LAMA1: variants seen among roughly 807,000 people sequenced by gnomAD.
LAMA1 encodes the protein laminin subunit alpha 1.
In LAMA1, 219 loss-of-function variants were observed where a neutral mutation model predicts 348.7. The observed-to-expected ratio is 0.63, with a 90% CI of 0.56 to 0.70. The LOEUF (loss-of-function observed/expected upper bound fraction) is 0.70, where lower values mean the gene tolerates loss of function less well. Among genes scored for constraint, LAMA1 ranks in the 30% least tolerant of loss-of-function variants. The probability of loss-of-function intolerance (pLI) is 0.00; values close to 1 mark genes in which losing one functional copy is unlikely to be tolerated. For missense variants in LAMA1, 3,744 were observed against 3,888.0 expected, an observed-to-expected ratio of 0.96 and a Z score of 0.99; for synonymous variants, 1,487 against 1,491.0, an observed-to-expected ratio of 1.00 and a Z score of 0.06.
chr18:6,951,556 T>G (rs1485680405), intron 57 of LAMA1, among the ~76,000 whole-genome samples: 1 of 152,158 alleles, frequency 6.6e-6, no homozygotes, highest in Non-Finnish European at 1.5e-5. Flanking sequence ...TGAGGGTGTT[T>G]GGATTTTCGG....
At chr18:7,024,063 C>T (rs1234885571) in intron 18 of LAMA1, among the ~76,000 whole-genome samples, 1 of 151,770 alleles carries the variant, frequency 6.6e-6, no homozygotes, top group African/African-American at 2.4e-5. Flanking sequence ...AGGCTGGTCT[C>T]GAACTCCTAA....
chr18:7,070,662 C>A (rs776854712), intron 3 of LAMA1, among the ~76,000 whole-genome samples: 1 of 152,094 alleles, frequency 6.6e-6, no homozygotes, highest in Non-Finnish European at 1.5e-5. Flanking sequence ...ATTATGTTCC[C>A]ACAACAAAGT....
intron 49 of LAMA1, 77 bp from the exon 50 acceptor site, chr18:6,965,509 T>C: frequency 1.3e-6 from 2 of 1,519,054 alleles, no homozygotes; most frequent in South Asian, 2.2e-5. Flanking sequence ...CAGGGATGGC[T>C]GAAACCTTCT....
intron 25 of LAMA1, among the ~76,000 whole-genome samples, chr18:7,010,915 T>C (rs1359466992): frequency 6.6e-6 from 1 of 152,178 alleles, no homozygotes; most frequent in Non-Finnish European, 1.5e-5. Context: ...CACGTAATGA[T>C]ATTTCAGTCA....
At chr18:6,960,687 A>AG (rs1477645196) in intron 53 of LAMA1, 2 of 151,992 alleles carry the variant, frequency 1.3e-5, no homozygotes, top group Non-Finnish European at 2.9e-5. Flanking sequence ...AAAAAAAAAA[A>AG]AAAAGATCAG....
At chr18:7,000,792 G>A (rs1033994245) in intron 30 of LAMA1, among the ~76,000 whole-genome samples, 4 of 152,088 alleles carry the variant, frequency 2.6e-5, no homozygotes, top group African/African-American at 9.7e-5. Context: ...AGTTTCCAGC[G>A]TCAGTTATCA....
At chr18:7,088,486 C>A (rs1568062920) in intron 1 of LAMA1, among the ~76,000 whole-genome samples, 1 of 151,982 alleles carries the variant, frequency 6.6e-6, no homozygotes, top group African/African-American at 2.4e-5. Context: ...TTCTTTCTAA[C>A]TTTTTTTGTT....
intron 1 of LAMA1, among the ~76,000 whole-genome samples, chr18:7,103,353 T>C (rs560614743): frequency 5.3e-5 from 8 of 151,156 alleles, no homozygotes; most frequent in East Asian, 2.0e-4. Flanking sequence ...TGCAGTGAGC[T>C]GAGATCGCTC....
At chr18:6,981,946 G>A (rs2057713617) in intron 41 of LAMA1, among the ~76,000 whole-genome samples, 1 of 152,154 alleles carries the variant, frequency 6.6e-6, no homozygotes, top group African/African-American at 2.4e-5. Context: ...TTATTGGATG[G>A]ATTGCTCTTA....
chr18:7,093,190 G>A (rs1165781842), intron 1 of LAMA1, among the ~76,000 whole-genome samples: 1 of 152,184 alleles, frequency 6.6e-6, no homozygotes, highest in African/African-American at 2.4e-5. Flanking sequence ...GCCGAGGCGG[G>A]CGGATCACGA....
At position 7,010,251 on chromosome 18, in the gene LAMA1, T is replaced by C; in HGVS notation, c.3822A>G (p.Ala1274=). 1.9e-6 allele frequency: 3 copies of C among 1,614,204 alleles called. No individual in the cohort carries two copies. The South Asian group carries it at 3.3e-5, about 18-fold the overall frequency. The stretch of plus-strand genomic sequence containing the variant: ...GTCTCACTCCATTCTCTGGGGCTGG[T>C]GCATCCATGTAAATGACTTGCTTTC... ...RIRKQVIYMD[A]PAPENGVRQE... is the part of the protein sequence containing the mutation. Residue 1274 remains alanine (A), a synonymous_variant, in exon 26 of 63, where the codon GCA becomes GCG. Coordinates refer to ENST00000389658, the MANE Select transcript of LAMA1 (RefSeq NM_005559.4).
intron 9 of LAMA1, 76 bp downstream of exon 9, chr18:7,042,069 A>G (rs1361164976): frequency 3.1e-6 from 3 of 960,986 alleles, no homozygotes; most frequent in African/African-American, 3.2e-5. Flanking sequence ...GGCTATTACC[A>G]TTAGTTCCAG....
At chr18:7,065,649 C>A (rs1028449467) in intron 3 of LAMA1, among the ~76,000 whole-genome samples, 1 of 152,080 alleles carries the variant, frequency 6.6e-6, no homozygotes, top group African/African-American at 2.4e-5. Flanking sequence ...ATGGCTGGAA[C>A]GGAGGAGGCA....
intron 3 of LAMA1, among the ~76,000 whole-genome samples, chr18:7,078,936 G>A (rs948807234): frequency 3.3e-5 from 5 of 151,984 alleles, no homozygotes; most frequent in Non-Finnish European, 5.9e-5. Context: ...GCAGTGTGCC[G>A]AGATCGCGCC....
At position 6,947,274 on chromosome 18, in the gene LAMA1, C is replaced by G; in HGVS notation, c.8733G>C (p.Gln2911His). 3 of 1,613,924 alleles carry G rather than the reference C, an allele frequency of 1.9e-6. No individual in the cohort carries two copies. Among genetic ancestry groups the G allele is most frequent in the Non-Finnish European group, 2.5e-6 (3 of 1,180,028 alleles). Reference sequence around the variant, plus strand: ...ACTCCAGTGTGATGTTCACATCTGACTGGACTTTGTAGCCCTCTTTGACTG... The same window carrying G: ...ACTCCAGTGTGATGTTCACATCTGAGTGGACTTTGTAGCCCTCTTTGACTG... ...AALVKEGYKV[Q>H]SDVNITLEFR... The change falls in exon 61 of 63, where the codon CAG becomes CAC. Residue 2911 changes from glutamine (Q) to histidine (H), a missense_variant. Gln to His is a conservative substitution (Grantham distance 24). Transcript: ENST00000389658.
At chr18:7,040,007 A>C in intron 10 of LAMA1, 69 bp downstream of exon 10, 1 of 1,556,312 alleles carries the variant, frequency 6.4e-7, no homozygotes. Flanking sequence ...CATTGGAGCC[A>C]ATGGAAAACA....
chr18:6,965,258 G>GAT (rs1568010142), intron 50 of LAMA1, 30 bp downstream of exon 50: 1 of 1,613,746 alleles, frequency 6.2e-7, no homozygotes, highest in South Asian at 1.1e-5. Flanking sequence ...GAGGGTGACC[G>GAT]ACATCTGGTG....
intron 3 of LAMA1, among the ~76,000 whole-genome samples, chr18:7,074,342 A>G (rs1023334810): frequency 6.6e-6 from 1 of 152,234 alleles, no homozygotes; most frequent in African/African-American, 2.4e-5. Flanking sequence ...TTTCATCTCA[A>G]CAGTGTATTA....
chr18:7,029,591 G>T lies in LAMA1; in HGVS notation c.2274+2475C>A, dbSNP rs533341791. ...TCTGTTTCAGTGCTTTTTCAGGCGT[G>T]TGCCACCAGCCCTTTACCTGACTGT... is the stretch of plus-strand genomic sequence containing the variant. On this transcript the variant is annotated intron_variant, in intron 16 of 62. Transcript: ENST00000389658. Among the ~76,000 whole-genome samples the T allele has an allele frequency of 1.1e-3, 175 of 152,200 alleles. 1 individual carries two copies. The highest frequency in any genetic ancestry group is 3.8e-3 in the African/African-American group (156 of 41,520).
Sources: gnomAD v4.1 joint callset for allele counts (sites outside exome capture counted in the v4.1 genomes callset) on GRCh38, gnomAD v4.1.1 for gene constraint, MANE v1.5 for transcripts, NCBI Gene and HGNC (gene_info 2026-07-23, HGNC 2026-07-21) for gene names.